Variants in SPAG17 observed in about 807,000 individuals in gnomAD.
The protein encoded by SPAG17 is sperm associated antigen 17, also known as sperm-associated antigen 17.
Under a neutral mutation model 273.6 loss-of-function variants are expected in SPAG17, and 169 were observed. The ratio of observed to expected loss-of-function variants is 0.62; its 90% CI spans 0.55 to 0.70. The LOEUF is 0.70. Among genes scored for constraint, SPAG17 ranks in the 30% least tolerant of loss-of-function variants. The pLI is 0.00. For synonymous variants in SPAG17, 825 were observed against 873.2 expected, an observed-to-expected ratio of 0.94 and a Z score of 0.97; for missense variants, 2,557 against 2,627.8, an observed-to-expected ratio of 0.97 and a Z score of 0.59.
intron 48 of SPAG17, among the ~76,000 whole-genome samples, chr1:117,957,384 C>G (rs1238061050): frequency 6.6e-6 from 1 of 152,086 alleles, no homozygotes; most frequent in East Asian, 1.9e-4. Flanking sequence ...TGCTACCAGC[C>G]CAAGCAATCA....
At chr1:118,011,363 C>T (rs1385163882) in intron 30 of SPAG17, among the ~76,000 whole-genome samples, 1 of 152,144 alleles carries the variant, frequency 6.6e-6, no homozygotes, top group Non-Finnish European at 1.5e-5. Flanking sequence ...AAATGGCATA[C>T]ATATACACCA....
chr1:118,071,941 A>C (rs2102092154), intron 17 of SPAG17, among the ~76,000 whole-genome samples: 1 of 152,258 alleles, frequency 6.6e-6, no homozygotes, highest in South Asian at 2.1e-4. Flanking sequence ...CCAAAATATA[A>C]ATACAGGAAT....
chr1:118,173,281 C>G lies in SPAG17; in HGVS notation c.87+11790G>C, dbSNP rs150504826. Among the ~76,000 whole-genome samples, 153 of 152,246 alleles carry G rather than the reference C, an allele frequency of 1.0e-3. 2 individuals are homozygous for G. In the East Asian group the frequency reaches 0.025, roughly 25 times the overall value. The stretch of plus-strand genomic sequence containing the variant: ...TTTACTCTCCCTTGCTTCATGTCCT[C>G]CCTGAGGTGGTGTGGTGGTATCATG... On this transcript the variant is annotated intron_variant, in intron 1 of 48. Transcript: ENST00000336338.
intron 3 of SPAG17, among the ~76,000 whole-genome samples, chr1:118,129,134 G>A (rs968077779): frequency 1.3e-5 from 2 of 152,220 alleles, no homozygotes; most frequent in African/African-American, 2.4e-5. Flanking sequence ...GCACAGCAGG[G>A]AAGTGGGCTG....
At chr1:118,160,094 G>T (rs1659841125) in intron 1 of SPAG17, among the ~76,000 whole-genome samples, 1 of 152,236 alleles carries the variant, frequency 6.6e-6, no homozygotes, top group Admixed American at 6.5e-5. Context: ...GCCAAGAGGA[G>T]TCCTGCTAAT....
chr1:118,088,816 C>T (rs533668188), intron 10 of SPAG17, among the ~76,000 whole-genome samples: 3 of 152,138 alleles, frequency 2.0e-5, no homozygotes, highest in Non-Finnish European at 1.5e-5. Flanking sequence ...TGAAAGAAAA[C>T]TTAAAAGACA....
At chr1:118,084,521 A>C (rs1275810604) in intron 13 of SPAG17, among the ~76,000 whole-genome samples, 6 of 152,226 alleles carry the variant, frequency 3.9e-5, no homozygotes, top group Non-Finnish European at 8.8e-5. Flanking sequence ...CAGTGAACTC[A>C]GATGAGACGT....
Position 118,115,447 on chromosome 1 carries a change from C to T in SPAG17, c.316-6G>A. ...GCTTTTGCTGCCGTTAACACCTATA[C>T]AGAAACACAATTATTAGAAAAAGTG... On this transcript the variant is annotated splice_polypyrimidine_tract_variant and splice_region_variant and intron_variant, in intron 3 of 48. Transcript: ENST00000336338. The T allele has an allele frequency of 6.2e-7, 1 of 1,603,926 alleles. No individual in the cohort carries two copies. Among genetic ancestry groups the T allele is most frequent in the Non-Finnish European group, 8.5e-7 (1 of 1,176,478 alleles).
chr1:117,991,867 T>A lies in SPAG17; in HGVS notation c.5362-339A>T, dbSNP rs553841313. 2.6e-5 allele frequency among the ~76,000 whole-genome samples: 4 copies of A among 152,294 alleles called. No homozygotes were observed. The South Asian group carries it at 8.3e-4, about 32-fold the overall frequency. ...TGTAGGATCCTTTCAGGTATAGTTT[T>A]TTTATTTTACCTGTAAATGGAATTT... On this transcript the variant is annotated intron_variant, in intron 36 of 48. Transcript: ENST00000336338.
chr1:118,150,463 T>G, intron 3 of SPAG17, 80 bp downstream of exon 3: 1 of 735,948 alleles, frequency 1.4e-6, no homozygotes, highest in Non-Finnish European at 2.1e-6. Context: ...AGAATGAAAT[T>G]TAAAAATGGC....
chr1:117,999,311 G>C (rs1297611776), intron 32 of SPAG17, among the ~76,000 whole-genome samples: 1 of 152,128 alleles, frequency 6.6e-6, no homozygotes, highest in African/African-American at 2.4e-5. Flanking sequence ...TATCTTTATA[G>C]TAGCATGATT....
intron 13 of SPAG17, 75 bp from the exon 14 acceptor site, chr1:118,081,717 C>G (rs901363605): frequency 6.5e-6 from 8 of 1,231,612 alleles, no homozygotes; most frequent in South Asian, 3.9e-5. Flanking sequence ...GAGGGATAAC[C>G]AGGGAGTCTG....
chr1:118,081,249 G>C lies in SPAG17; in HGVS notation c.2061C>G (p.Ser687Arg), dbSNP rs755811277. ...NLSMSVQDNE[S>R]NREPSDPSQC... ...GACTAGGATCTGAAGGTTCTCGGTT[G>C]CTTTCATTATCTTGCACAGACATTG... is the stretch of plus-strand genomic sequence containing the variant. Residue 687 changes from serine to arginine, a missense_variant, in exon 15 of 49, where the codon AGC becomes AGG. By Grantham distance (110) the Ser-to-Arg change is moderately radical. Transcript: ENST00000336338. 1 of 1,614,032 alleles carries C rather than the reference G, an allele frequency of 6.2e-7. No homozygotes were observed. The highest frequency in any genetic ancestry group is 8.5e-7 in the Non-Finnish European group (1 of 1,180,000).
intron 4 of SPAG17, among the ~76,000 whole-genome samples, chr1:118,104,715 C>T (rs963320298): frequency 6.6e-6 from 1 of 152,056 alleles, no homozygotes; most frequent in African/African-American, 2.4e-5. Context: ...CCAAAAAGGT[C>T]AAAAAGACAA....
intron 24 of SPAG17, chr1:118,036,532 C>G (rs951949597): frequency 1.3e-5 from 3 of 234,856 alleles, no homozygotes; most frequent in Non-Finnish European, 2.3e-5. Flanking sequence ...TATAAAATGT[C>G]AAAGCATTTT....
chr1:118,175,619 C>A (rs1420323676), intron 1 of SPAG17, among the ~76,000 whole-genome samples: 1 of 146,436 alleles, frequency 6.8e-6, no homozygotes, highest in African/African-American at 2.5e-5. Flanking sequence ...TTTTATCCAG[C>A]AAAGCTACAC....
rs776674134 is a variant in SPAG17 at position 118,126,203 on chromosome 1, C to CTTT, written c.316-10765_316-10763dup. Among the ~76,000 whole-genome samples the CTTT allele has an allele frequency of 2.0e-3, 226 of 110,552 alleles. 3 individuals are homozygous for CTTT. Among genetic ancestry groups the CTTT allele is most frequent in the African/African-American group, 6.3e-3 (190 of 30,240 alleles). The allele number at this position is 110,552 out of a possible 152,430, so 72.5% of individuals were successfully genotyped here. A position where few individuals can be genotyped will look rare whatever the true frequency, so the allele number is the denominator to read the frequency against. ...GAAATGTCTACTCAGATCCTTTATC[C>CTTT]TTTTTTTTTTTTTTTTTTTTGAGAC... On this transcript the variant is annotated intron_variant, in intron 3 of 48. Transcript: ENST00000336338.
intron 26 of SPAG17, 48 bp downstream of exon 26, chr1:118,028,226 G>A (rs763025995): frequency 2.6e-5 from 40 of 1,565,746 alleles, no homozygotes; most frequent in South Asian, 9.5e-5. Context: ...TGTTTTCTAC[G>A]TGACATTTTG....
At chr1:118,016,849 C>T (rs1346244781) in intron 28 of SPAG17, among the ~76,000 whole-genome samples, 2 of 152,160 alleles carry the variant, frequency 1.3e-5, no homozygotes, top group East Asian at 3.8e-4. Context: ...AAATCCTTGA[C>T]CAATATTTCA....
Sources: gnomAD v4.1 joint callset for allele counts (sites outside exome capture counted in the v4.1 genomes callset) on GRCh38, gnomAD v4.1.1 for gene constraint, MANE v1.5 for transcripts, NCBI Gene and HGNC (gene_info 2026-07-23, HGNC 2026-07-21) for gene names.